Variants in C10orf90 observed in about 807,000 individuals in gnomAD.
The protein encoded by C10orf90 is (E2-independent) E3 ubiquitin-conjugating enzyme FATS.
In C10orf90, 56 loss-of-function variants were observed where a neutral mutation model predicts 62.5. The ratio of observed to expected loss-of-function variants is 0.90; its 90% confidence interval spans 0.72 to 1.12. The LOEUF (loss-of-function observed/expected upper bound fraction) is 1.12. Ranked by LOEUF, C10orf90 falls within the 50% of genes most tolerant of loss-of-function variation. The pLI is 0.00. For missense variants in C10orf90, 970 were observed against 880.4 expected (o/e 1.10, Z -1.29); for synonymous variants, 386 against 340.4 (o/e 1.13, Z -1.47).
chr10:126,548,680 T>C (rs1189603611), intron 2 of C10orf90, among the ~76,000 whole-genome samples: 1 of 151,606 alleles, frequency 6.6e-6, no homozygotes, highest in East Asian at 1.9e-4. Flanking sequence ...ATCCCATCTT[T>C]ACCAAAAACT....
chr10:126,428,586 G>A (rs1389824053), intron 8 of C10orf90, among the ~76,000 whole-genome samples: 1 of 152,036 alleles, frequency 6.6e-6, no homozygotes. Context: ...TCCTCTTTGA[G>A]CCTCAGTTTC....
intron 2 of C10orf90, among the ~76,000 whole-genome samples, chr10:126,516,061 C>T (rs758320280): frequency 4.6e-5 from 7 of 152,198 alleles, no homozygotes; most frequent in South Asian, 2.1e-4. Context: ...CATGTGGCAT[C>T]GCATGTGGTT....
chr10:126,493,386 G>C (rs1861867067), intron 4 of C10orf90, among the ~76,000 whole-genome samples: 1 of 149,868 alleles, frequency 6.7e-6, no homozygotes, highest in Admixed American at 6.6e-5. Flanking sequence ...TTTGAGACAG[G>C]GTCTCGCTCT....
chr10:126,632,546 A>G (rs1461152797), intron 2 of C10orf90, among the ~76,000 whole-genome samples: 1 of 151,960 alleles, frequency 6.6e-6, no homozygotes, highest in Non-Finnish European at 1.5e-5. Flanking sequence ...AAATAGCACA[A>G]ATCCTTTTCA....
At chr10:126,615,020 T>C (rs1031968166) in intron 2 of C10orf90, among the ~76,000 whole-genome samples, 3 of 152,174 alleles carry the variant, frequency 2.0e-5, no homozygotes, top group Non-Finnish European at 4.4e-5. Context: ...GGCTAGATGG[T>C]TCCAGGTGGC....
At chr10:126,502,881 C>T in intron 4 of C10orf90, 2 of 488,652 alleles carry the variant, frequency 4.1e-6, no homozygotes. Flanking sequence ...AAAGCCATGC[C>T]AAAATTGCCT....
intron 4 of C10orf90, among the ~76,000 whole-genome samples, chr10:126,465,755 G>C (rs1860250866): frequency 6.6e-6 from 1 of 152,102 alleles, no homozygotes. Context: ...CATTGATAGG[G>C]GACTAATTAA....
chr10:126,441,271 A>T (rs1042060782), intron 7 of C10orf90, among the ~76,000 whole-genome samples: 1 of 152,192 alleles, frequency 6.6e-6, no homozygotes, highest in Non-Finnish European at 1.5e-5. Context: ...GAATTGAACA[A>T]GTAGAAGAAA....
chr10:126,429,936 G>T, intron 7 of C10orf90, 86 bp from the exon 8 acceptor site: 2 of 1,166,178 alleles, frequency 1.7e-6, no homozygotes, highest in Non-Finnish European at 1.3e-6. Flanking sequence ...TTCATAATCC[G>T]TTAATTGATC....
Position 126,642,442 on chromosome 10 carries a change from C to G in C10orf90, c.313+4123G>C, listed in dbSNP as rs558696460. Among the ~76,000 whole-genome samples the G allele has an allele frequency of 7.9e-4, 120 of 152,022 alleles. 1 individual carries two copies. The East Asian group carries it at 0.018, about 23-fold the overall frequency. On this transcript the variant is annotated intron_variant, in intron 2 of 9. Coordinates refer to ENST00000488181, the MANE Select transcript of C10orf90 (RefSeq NM_001350921.2). ...AGCTACTCGGGAGACTGAGGCAGGA[C>G]AATGGCATGAACCCGGGAGGCAGAG...
At chr10:126,639,887 A>G (rs1846025817) in intron 2 of C10orf90, among the ~76,000 whole-genome samples, 1 of 152,224 alleles carries the variant, frequency 6.6e-6, no homozygotes, top group South Asian at 2.1e-4. Context: ...TTATTGCACT[A>G]TTTGTGGGTG....
chr10:126,517,611 T>C (rs966014998), intron 2 of C10orf90, among the ~76,000 whole-genome samples: 2 of 152,138 alleles, frequency 1.3e-5, no homozygotes, highest in African/African-American at 4.8e-5. Context: ...AGGATGACTC[T>C]TAGGAATACA....
chr10:126,603,701 T>C (rs1845247110), intron 2 of C10orf90, among the ~76,000 whole-genome samples: 1 of 152,098 alleles, frequency 6.6e-6, no homozygotes, highest in Non-Finnish European at 1.5e-5. Context: ...ATAATTCATA[T>C]AAGGTGCTGA....
intron 2 of C10orf90, among the ~76,000 whole-genome samples, chr10:126,565,162 T>TTTATATTACATATTATGTAATATAATA (rs1844323145): frequency 1.1e-4 from 2 of 18,232 alleles, no homozygotes; most frequent in African/African-American, 2.7e-4. Context: ...TAATATAATA[T>TTTATATTACATATTATGTAATATAATA]TTATATTACA....
At chr10:126,545,290 A>G (rs909435188) in intron 2 of C10orf90, among the ~76,000 whole-genome samples, 10 of 152,154 alleles carry the variant, frequency 6.6e-5, no homozygotes, top group Non-Finnish European at 1.0e-4. Context: ...AGTGTACAAA[A>G]TGTACAAGCC....
chr10:126,500,789 T>A (rs1862332550), intron 4 of C10orf90, among the ~76,000 whole-genome samples: 1 of 152,240 alleles, frequency 6.6e-6, no homozygotes. Flanking sequence ...TGTGCTTGTG[T>A]CTCATTTTTC....
chr10:126,578,947 T>A (rs2134012989), intron 2 of C10orf90, among the ~76,000 whole-genome samples: 1 of 152,362 alleles, frequency 6.6e-6, no homozygotes, highest in South Asian at 2.1e-4. Flanking sequence ...AAATTCATGT[T>A]CTGTTTCTTG....
chr10:126,501,835 T>A lies in C10orf90; in HGVS notation c.1534+2122A>T, dbSNP rs977173233. On this transcript the variant is annotated intron_variant, in intron 4 of 9. Coordinates refer to ENST00000488181, the MANE Select transcript of C10orf90 (RefSeq NM_001350921.2). Reference sequence around the variant, plus strand: ...TAGCAGTGGAAAGCCAAAAACCGTATGTTCTCATAAGTGGGAGCTAAGCTA... The same window carrying A: ...TAGCAGTGGAAAGCCAAAAACCGTAAGTTCTCATAAGTGGGAGCTAAGCTA... Among the ~76,000 whole-genome samples, 4 of 152,144 alleles carry A rather than the reference T, an allele frequency of 2.6e-5. No individual in the cohort carries two copies. The South Asian group carries it at 8.3e-4, about 31-fold the overall frequency.
intron 2 of C10orf90, among the ~76,000 whole-genome samples, chr10:126,580,606 T>C (rs1026494796): frequency 2.0e-5 from 3 of 150,964 alleles, no homozygotes; most frequent in Admixed American, 1.3e-4. Flanking sequence ...TGAGCCGAGA[T>C]TGTGCCACTG....
Sources: gnomAD v4.1 joint callset for allele counts (sites outside exome capture counted in the v4.1 genomes callset) on GRCh38, gnomAD v4.1.1 for gene constraint, MANE v1.5 for transcripts, NCBI Gene and HGNC (gene_info 2026-07-23, HGNC 2026-07-21) for gene names.